The following ANO2 variants were observed in gnomAD, a reference collection of about 807,000 sequenced individuals.
The protein encoded by ANO2 is anoctamin-2.
Under a neutral mutation model 124.2 loss-of-function variants are expected in ANO2, and 101 were observed. The ratio of observed to expected loss-of-function variants is 0.81; its 90% CI spans 0.69 to 0.96. The LOEUF is 0.96. ANO2 is among the 40% of genes least tolerant of loss of function. The probability of loss-of-function intolerance (pLI) is 0.00; values close to 1 mark genes in which losing one functional copy is unlikely to be tolerated. For synonymous variants in ANO2, 486 were observed against 482.5 expected (o/e 1.01, Z -0.09); for missense variants, 1,293 against 1,274.5 (o/e 1.01, Z -0.22).
intron 16 of ANO2, among the ~76,000 whole-genome samples, chr12:5,633,972 G>A (rs954794384): frequency 2.6e-5 from 4 of 152,174 alleles, no homozygotes; most frequent in Non-Finnish European, 4.4e-5. Context: ...CCAGTCAAAC[G>A]CCTCTCCCTC....
chr12:5,624,588 A>C (rs963965317), intron 16 of ANO2, among the ~76,000 whole-genome samples: 3 of 152,152 alleles, frequency 2.0e-5, no homozygotes, highest in Non-Finnish European at 2.9e-5. Flanking sequence ...AACAACCCAC[A>C]GGAAATTCTC....
At chr12:5,847,812 C>T (rs1187638153) in intron 4 of ANO2, among the ~76,000 whole-genome samples, 6 of 152,176 alleles carry the variant, frequency 3.9e-5, no homozygotes, top group African/African-American at 1.4e-4. Flanking sequence ...TGTGGAAACA[C>T]CAATTTTTTT....
At chr12:5,895,725 G>C (rs1939734576) in intron 3 of ANO2, among the ~76,000 whole-genome samples, 1 of 151,800 alleles carries the variant, frequency 6.6e-6, no homozygotes, top group Admixed American at 6.6e-5. Flanking sequence ...ACAGTATGGA[G>C]ATTCCTTAAA....
Position 5,827,751 on chromosome 12 carries a change from G to C in ANO2, c.892+18C>G. ...CTCAGCGCCCGTCAGCACCCTGCCCGCGGGCTGGGGTCCTTACCCATCGTG... is the reference window on the plus strand; with the variant it reads ...CTCAGCGCCCGTCAGCACCCTGCCCCCGGGCTGGGGTCCTTACCCATCGTG... On this transcript the variant is annotated intron_variant, in intron 7 of 24. Coordinates refer to ENST00000682330, the MANE Select transcript of ANO2 (RefSeq NM_001364791.2). The C allele has an allele frequency of 6.2e-7, 1 of 1,606,020 alleles. No individual in the cohort carries two copies. Among genetic ancestry groups the C allele is most frequent in the Non-Finnish European group, 8.5e-7 (1 of 1,176,672 alleles).
At chr12:5,820,595 A>G (rs1953761460) in intron 7 of ANO2, among the ~76,000 whole-genome samples, 1 of 152,202 alleles carries the variant, frequency 6.6e-6, no homozygotes, top group South Asian at 2.1e-4. Context: ...GGAAAGGTCA[A>G]ATGGAAGCCA....
At chr12:5,863,295 G>T in intron 3 of ANO2, among the ~76,000 whole-genome samples, 1 of 152,182 alleles carries the variant, frequency 6.6e-6, no homozygotes, top group East Asian at 1.9e-4. Context: ...CCTATGGGGA[G>T]TCAGCAACAG....
rs61910084 is a variant in ANO2 at position 5,612,953 on chromosome 12, A to G, written c.1934T>C (p.Val645Ala). The G allele has an allele frequency of 1.1e-5, 17 of 1,613,934 alleles. No individual in the cohort carries two copies. Among genetic ancestry groups the G allele is most frequent in the Non-Finnish European group, 1.4e-5 (17 of 1,179,856 alleles). Residue 645 changes from valine to alanine, a missense_variant, in exon 18 of 25, where the codon GTG becomes GCG. Transcript: ENST00000682330. Reference sequence around the variant, plus strand: ...ATAGACGTAGCTTCCAGGCCTGCCCACAAACCTGAAATCAAACAGTGTGGG... The same window carrying G: ...ATAGACGTAGCTTCCAGGCCTGCCCGCAAACCTGAAATCAAACAGTGTGGG... ...FYVAFFKGRF[V>A]GRPGSYVYVF...
intron 4 of ANO2, among the ~76,000 whole-genome samples, chr12:5,837,380 C>T (rs1457220974): frequency 8.4e-6 from 1 of 118,750 alleles, no homozygotes; most frequent in African/African-American, 3.3e-5. Flanking sequence ...GCACATTGTG[C>T]GTTAGTTACA....
rs1565751791 is a variant in ANO2 at position 5,888,398 on chromosome 12, G to GTGTGGAAGGGGACC, written c.534+32641_534+32642insGGTCCCCTTCCACA. On this transcript the variant is annotated intron_variant, in intron 3 of 24. Transcript: ENST00000682330. ...AACCTTCCACAGTGTGGAAGGGGAC[G>GTGTGGAAGGGGACC]CCAGCGGATTGCCACCGCTGGCTCC... Among the ~76,000 whole-genome samples, 6 of 152,156 alleles carry GTGTGGAAGGGGACC rather than the reference G, an allele frequency of 3.9e-5. No individual in the cohort carries two copies. The South Asian group carries it at 1.0e-3, about 26-fold the overall frequency.
chr12:5,842,334 G>A (rs929843683), intron 4 of ANO2, among the ~76,000 whole-genome samples: 3 of 152,130 alleles, frequency 2.0e-5, no homozygotes, highest in Admixed American at 6.5e-5. Flanking sequence ...TGGTCGGAGG[G>A]GTGGATGGAA....
chr12:5,648,530 T>C (rs918217260), intron 14 of ANO2, among the ~76,000 whole-genome samples: 2 of 152,032 alleles, frequency 1.3e-5, no homozygotes, highest in Non-Finnish European at 2.9e-5. Flanking sequence ...GTAACCAGAG[T>C]CCTCCTTCAG....
chr12:5,633,841 T>C (rs1219448407), intron 16 of ANO2, among the ~76,000 whole-genome samples: 1 of 152,124 alleles, frequency 6.6e-6, no homozygotes, highest in Non-Finnish European at 1.5e-5. Flanking sequence ...AGGGATCTGA[T>C]CACTCCCTTC....
At chr12:5,804,534 T>C (rs892210102) in intron 9 of ANO2, among the ~76,000 whole-genome samples, 6 of 152,338 alleles carry the variant, frequency 3.9e-5, no homozygotes, top group African/African-American at 1.4e-4. Flanking sequence ...TTGGGAGTTA[T>C]CCATGGAGAT....
At chr12:5,588,661 T>C (rs1443445885) in intron 20 of ANO2, among the ~76,000 whole-genome samples, 1 of 152,232 alleles carries the variant, frequency 6.6e-6, no homozygotes, top group Admixed American at 6.5e-5. Context: ...TTGTGTATGC[T>C]GAAACGTCCC....
intron 3 of ANO2, among the ~76,000 whole-genome samples, chr12:5,873,304 T>C (rs1050287023): frequency 2.0e-5 from 3 of 151,726 alleles, no homozygotes; most frequent in Non-Finnish European, 4.4e-5. Flanking sequence ...GCTCTTGAAC[T>C]CTGGCCTCAT....
intron 1 of ANO2, among the ~76,000 whole-genome samples, chr12:5,924,930 T>C (rs1242256098): frequency 6.6e-6 from 1 of 152,190 alleles, no homozygotes; most frequent in African/African-American, 2.4e-5. Context: ...AGATATTTTT[T>C]GGTTTACATG....
intron 14 of ANO2, among the ~76,000 whole-genome samples, chr12:5,678,781 T>C (rs73271252): frequency 0.1 from 15,441 of 152,212 alleles, 1,033 homozygotes; most frequent in African/African-American, 0.18. Flanking sequence ...TAAAGAAAAA[T>C]CCAGCTTAAA....
At chr12:5,861,830 C>T (rs1350825806) in intron 3 of ANO2, among the ~76,000 whole-genome samples, 1 of 152,166 alleles carries the variant, frequency 6.6e-6, no homozygotes, top group Non-Finnish European at 1.5e-5. Flanking sequence ...AAGATTGAAG[C>T]TCACACAGCT....
intron 3 of ANO2, among the ~76,000 whole-genome samples, chr12:5,874,893 C>G (rs1937987293): frequency 6.6e-6 from 1 of 152,188 alleles, no homozygotes; most frequent in South Asian, 2.1e-4. Flanking sequence ...AGCTACTCAA[C>G]TCTGATGTTG....
Sources: gnomAD v4.1 joint callset for allele counts (sites outside exome capture counted in the v4.1 genomes callset) on GRCh38, gnomAD v4.1.1 for gene constraint, MANE v1.5 for transcripts, NCBI Gene and HGNC (gene_info 2026-07-23, HGNC 2026-07-21) for gene names.